UTS2B: variants seen among roughly 807,000 people sequenced by gnomAD.
UTS2B encodes the protein urotensin 2B, also known as urotensin-2B.
UTS2B carries 21 observed loss-of-function variants against 19.2 expected under a neutral mutation model. The ratio of observed to expected loss-of-function variants is 1.09; its 90% CI spans 0.78 to 1.58. The LOEUF is 1.58. Ranked by LOEUF, UTS2B falls within the 40% of genes most tolerant of loss-of-function variation. The pLI is 0.00. For missense variants in UTS2B, 138 were observed against 130.3 expected, an observed-to-expected ratio of 1.06 and a Z score of -0.29; for synonymous variants, 57 against 50.2, an observed-to-expected ratio of 1.14 and a Z score of -0.58.
intron 6 of UTS2B, 69 bp from the exon 7 acceptor site, chr3:191,276,913 C>T: frequency 7.2e-7 from 1 of 1,381,794 alleles, no homozygotes; most frequent in East Asian, 2.3e-5. Context: ...TCAGTACACA[C>T]ATTTAAGATC....
At chr3:191,291,598 G>A (rs535555277) in intron 4 of UTS2B, among the ~76,000 whole-genome samples, 165 of 151,964 alleles carry the variant, frequency 1.1e-3, no homozygotes, top group South Asian at 7.3e-3. Context: ...GACTACAGGC[G>A]CCCACCACCA....
chr3:191,342,239 A>T, the UTS2B span, among the ~76,000 whole-genome samples: 1 of 152,230 alleles, frequency 6.6e-6, no homozygotes, highest in Non-Finnish European at 1.5e-5. Flanking sequence ...AATTGCCAGT[A>T]TTGCAGTTTG....
intron 2 of UTS2B, among the ~76,000 whole-genome samples, chr3:191,317,921 T>TA (rs1172846131): frequency 1.3e-5 from 2 of 152,054 alleles, no homozygotes; most frequent in African/African-American, 4.8e-5. Context: ...ACAACTGACT[T>TA]CCTTAAGAGC....
At chr3:191,298,970 C>A (rs1000999642) in intron 4 of UTS2B, among the ~76,000 whole-genome samples, 7 of 152,188 alleles carry the variant, frequency 4.6e-5, no homozygotes, top group African/African-American at 1.7e-4. Flanking sequence ...ATCTGTGGAA[C>A]TTTGAAATTG....
At chr3:191,338,485 T>C in the UTS2B span, among the ~76,000 whole-genome samples, 1 of 152,204 alleles carries the variant, frequency 6.6e-6, no homozygotes, top group Non-Finnish European at 1.5e-5. Context: ...TGGAAAGGGC[T>C]ATTCACTCTC....
At chr3:191,269,502 T>G (rs951180507) in intron 8 of UTS2B, among the ~76,000 whole-genome samples, 7 of 135,626 alleles carry the variant, frequency 5.2e-5, no homozygotes, top group African/African-American at 1.7e-4. Flanking sequence ...TTTTTTCAGG[T>G]TTTTTTTTTT....
At position 191,267,718 on chromosome 3, in the gene UTS2B, T is replaced by C. The variant is rs966120291; in HGVS notation, c.*698A>G. 5 of 152,190 alleles carry C rather than the reference T, an allele frequency of 3.3e-5. No homozygotes were observed. Among genetic ancestry groups the C allele is most frequent in the Non-Finnish European group, 5.9e-5 (4 of 68,032 alleles). 9.4% of individuals were successfully genotyped at this position (152,190 alleles called of 1,614,324 possible). A position where few individuals can be genotyped will look rare whatever the true frequency, so the allele number is the denominator to read the frequency against. ...ATGAGGTGAGATGGTCACATGGGGATGAAGTAATTCTTTAACATAACATTT... is the reference window on the plus strand; with the variant it reads ...ATGAGGTGAGATGGTCACATGGGGACGAAGTAATTCTTTAACATAACATTT... On this transcript the variant is annotated 3_prime_UTR_variant, in exon 9 of 9. Coordinates refer to ENST00000340524, the MANE Select transcript of UTS2B (RefSeq NM_198152.5).
chr3:191,329,280 C>T (rs1217248212), intron 1 of UTS2B: 2 of 192,710 alleles, frequency 1.0e-5, no homozygotes, highest in East Asian at 1.5e-4. Flanking sequence ...GGGCGCTGAT[C>T]TTCGCTCGCC....
intron 5 of UTS2B, 147 bp downstream of exon 5, chr3:191,281,940 A>G (rs886919578): frequency 1.6e-6 from 1 of 630,850 alleles, no homozygotes; most frequent in South Asian, 2.1e-5. Context: ...AATTCTGACC[A>G]GCAACTACTT....
At chr3:191,323,892 A>G (rs1717673597) in intron 2 of UTS2B, among the ~76,000 whole-genome samples, 1 of 152,212 alleles carries the variant, frequency 6.6e-6, no homozygotes, top group Admixed American at 6.5e-5. Context: ...TTTGAAATTG[A>G]CAAAGAATGA....
chr3:191,330,864 T>G (rs114919878), upstream of UTS2B, among the ~76,000 whole-genome samples: 6 of 152,268 alleles, frequency 3.9e-5, no homozygotes, highest in Non-Finnish European at 8.8e-5. Context: ...GGTCACTGAT[T>G]TTATGTAGAA....
At chr3:191,325,489 T>C (rs780178561) in intron 2 of UTS2B, among the ~76,000 whole-genome samples, 2 of 152,124 alleles carry the variant, frequency 1.3e-5, no homozygotes, top group Non-Finnish European at 2.9e-5. Flanking sequence ...AAAGGAGATA[T>C]GGGGAATTTT....
chr3:191,282,902 A>G lies in UTS2B; in HGVS notation c.-124-589T>C, dbSNP rs1716428698. The stretch of plus-strand genomic sequence containing the variant: ...ATTCAAAGCTGGCAAATGTCCCATC[A>G]GTTACTCTCTTTAATACTTGCTTTA... On this transcript the variant is annotated intron_variant, in intron 4 of 8. Transcript: ENST00000340524. Among the ~76,000 whole-genome samples, 7 of 152,196 alleles carry G rather than the reference A, an allele frequency of 4.6e-5. 1 individual carries two copies. The South Asian group carries it at 1.2e-3, about 27-fold the overall frequency.
Position 191,295,361 on chromosome 3 carries a change from C to T in UTS2B, c.-125+9131G>A, listed in dbSNP as rs185040259. On this transcript the variant is annotated intron_variant, in intron 4 of 8. Transcript: ENST00000340524. ...TCTGCAGTGTCTCCATTGCTGACAA[C>T]GACCTGCTCCTTGGAAAACTCCCTA... 8.4e-4 allele frequency among the ~76,000 whole-genome samples: 127 copies of T among 152,090 alleles called. 3 individuals carry two copies. Among genetic ancestry groups the T allele is most frequent in the African/African-American group, 2.8e-3 (117 of 41,352 alleles).
chr3:191,289,731 T>C (rs984985956), intron 4 of UTS2B, among the ~76,000 whole-genome samples: 2 of 152,174 alleles, frequency 1.3e-5, no homozygotes, highest in African/African-American at 4.8e-5. Context: ...ATGTGGAATC[T>C]AAGAAAATGT....
intron 4 of UTS2B, among the ~76,000 whole-genome samples, chr3:191,296,065 G>A (rs1027040018): frequency 6.6e-6 from 1 of 152,042 alleles, no homozygotes; most frequent in Non-Finnish European, 1.5e-5. Context: ...TAAATATTGC[G>A]AGTCATAACA....
upstream of UTS2B, among the ~76,000 whole-genome samples, chr3:191,334,427 C>T (rs183675618): frequency 1.2e-3 from 180 of 152,226 alleles, no homozygotes; most frequent in African/African-American, 4.1e-3. Context: ...ACGACTCACA[C>T]GTGGGAAACC....
At chr3:191,304,923 T>A (rs533395221) in intron 3 of UTS2B, among the ~76,000 whole-genome samples, 2 of 152,270 alleles carry the variant, frequency 1.3e-5, no homozygotes, top group South Asian at 4.2e-4. Flanking sequence ...GAACATACCA[T>A]ATTTGGTTTT....
At chr3:191,331,128 A>G (rs1006124541), upstream of UTS2B, among the ~76,000 whole-genome samples, 1 of 152,044 alleles carries the variant, frequency 6.6e-6, no homozygotes, top group Admixed American at 6.5e-5. Flanking sequence ...TTTGGATATG[A>G]GGGTTTTTTG....
Sources: gnomAD v4.1 joint callset for allele counts (sites outside exome capture counted in the v4.1 genomes callset) on GRCh38, gnomAD v4.1.1 for gene constraint, MANE v1.5 for transcripts, NCBI Gene and HGNC (gene_info 2026-07-23, HGNC 2026-07-21) for gene names.